CACFD1: variants seen among roughly 807,000 people sequenced by gnomAD.
CACFD1 encodes calcium channel flower domain containing 1.
Under a neutral mutation model 21.3 loss-of-function variants are expected in CACFD1, and 26 were observed. The observed-to-expected ratio is 1.22, with a 90% CI of 0.89 to 1.69. CACFD1 has a LOEUF of 1.69. Among genes scored for constraint, CACFD1 ranks in the 40% most tolerant of loss-of-function variants. The probability of loss-of-function intolerance (pLI) is 0.00; values close to 1 mark genes in which losing one functional copy is unlikely to be tolerated. For synonymous variants in CACFD1, 121 were observed against 106.6 expected (o/e 1.13, Z -0.83); for missense variants, 265 against 236.2 (o/e 1.12, Z -0.80).
chr9:133,460,487 G>GCGGC (rs1564453308), intron 1 of CACFD1, among the ~76,000 whole-genome samples: 114 of 151,136 alleles, frequency 7.5e-4, no homozygotes, highest in South Asian at 1.1e-3. Context: ...GGGCGGGGGT[G>GCGGC]GGGCACCGGC....
rs190495205 is a variant in CACFD1, at chr9:133,468,032, C to T, written c.428+4C>T. ...GACTCTCTGCTCTGGGCAAAAAGTG[C>T]GTCTGCCAGGCCCAGCCCCTGGGCA... On this transcript the variant is annotated splice_donor_region_variant and intron_variant, in intron 4 of 4. Transcript: ENST00000316948. The T allele has an allele frequency of 9.9e-6, 16 of 1,610,252 alleles. No individual in the cohort carries two copies. The highest frequency in any genetic ancestry group is 9.3e-5 in the African/African-American group (7 of 74,972).
At chr9:133,468,311 G>C in intron 4 of CACFD1, 1 of 1,530,288 alleles carries the variant, frequency 6.5e-7, no homozygotes, top group South Asian at 1.2e-5. Flanking sequence ...ACCGGGCATT[G>C]TACTCAGTTG....
intron 3 of CACFD1, among the ~76,000 whole-genome samples, chr9:133,466,121 A>G (rs1843425981): frequency 6.6e-6 from 1 of 152,222 alleles, no homozygotes; most frequent in South Asian, 2.1e-4. Flanking sequence ...GAGGCCCGGT[A>G]GTTTTGATGG....
At position 133,463,525 on chromosome 9, in the gene CACFD1, C is replaced by G. The variant is rs781935669; in HGVS notation, c.164C>G (p.Pro55Arg). The change falls in exon 2 of 5, where the codon CCT becomes CGT. Residue 55 changes from proline to arginine, a missense_variant. Pro to Arg is a moderately radical substitution (Grantham distance 103). Transcript: ENST00000316948. ...CTCTTCAACTGCATCACCATCCACCCTCTGAACATTGCGGCCGGCGTGTGG... is the reference window on the plus strand; with the variant it reads ...CTCTTCAACTGCATCACCATCCACCGTCTGAACATTGCGGCCGGCGTGTGG... ...SGLFNCITIH[P>R]LNIAAGVWMI... 5 of 1,614,032 alleles carry G rather than the reference C, an allele frequency of 3.1e-6. No homozygotes were observed. The African/African-American group carries it at 6.7e-5, about 22-fold the overall frequency.
At chr9:133,460,289 T>G (rs1040066436) in intron 1 of CACFD1, 102 bp downstream of exon 1, 4 of 1,123,130 alleles carry the variant, frequency 3.6e-6, no homozygotes, top group Non-Finnish European at 3.5e-6. Flanking sequence ...AAGGACCCGC[T>G]GGGGGTCGGG....
intron 1 of CACFD1, 102 bp downstream of exon 1, chr9:133,460,289 T>TG: frequency 8.9e-7 from 1 of 1,123,240 alleles, no homozygotes; most frequent in Non-Finnish European, 1.2e-6. Flanking sequence ...AAGGACCCGC[T>TG]GGGGGTCGGG....
At chr9:133,463,587 G>A in intron 2 of CACFD1, 32 bp downstream of exon 2, 2 of 1,611,520 alleles carry the variant, frequency 1.2e-6, no homozygotes, top group Non-Finnish European at 1.7e-6. Flanking sequence ...CACCCCGGGG[G>A]TCTTGCTGGT....
At chr9:133,460,271 C>G (rs587665941) in intron 1 of CACFD1, 84 bp downstream of exon 1, 2,275 of 1,301,732 alleles carry the variant, frequency 1.7e-3, no homozygotes, top group Non-Finnish European at 2.1e-3. Flanking sequence ...CCCGGCGGCC[C>G]CAGGGGAAAG....
At position 133,467,997 on chromosome 9, in the gene CACFD1, G is replaced by T. The variant is rs377299778; in HGVS notation, c.397G>T (p.Val133Leu). Residue 133 changes from valine (V) to leucine (L), a missense_variant, in exon 4 of 5, where the codon GTG (valine) becomes TTG (leucine). Val to Leu is a conservative substitution (Grantham distance 32). Transcript: ENST00000316948. ...LGNAIAFATG[V>L]LYGLSALGKK... ...CAACGCCATCGCCTTTGCTACGGGGGTGCTGTACGGACTCTCTGCTCTGGG... is the reference window on the plus strand; with the variant it reads ...CAACGCCATCGCCTTTGCTACGGGGTTGCTGTACGGACTCTCTGCTCTGGG... 3.1e-6 allele frequency: 5 copies of T among 1,613,830 alleles called. No homozygotes were observed. The highest frequency in any genetic ancestry group is 2.2e-5 in the East Asian group (1 of 44,892).
chr9:133,464,767 C>T (rs1843363503), intron 2 of CACFD1, among the ~76,000 whole-genome samples: 1 of 152,086 alleles, frequency 6.6e-6, no homozygotes, highest in South Asian at 2.1e-4. Context: ...CGTGGGCTTC[C>T]CCTGGGTGTC....
At position 133,463,464 on chromosome 9, in the gene CACFD1, C is replaced by T. The variant is rs995763237; in HGVS notation, c.122-19C>T. 1 of 1,613,956 alleles carries T rather than the reference C, an allele frequency of 6.2e-7. No homozygotes were observed. The highest frequency in any genetic ancestry group is 1.1e-5 in the South Asian group (1 of 91,084). On this transcript the variant is annotated intron_variant, in intron 1 of 4. Coordinates refer to ENST00000316948, the MANE Select transcript of CACFD1 (RefSeq NM_017586.5). ...CGCCTGCCTCCCTGCTGACTCCTGC[C>T]CGTGTCTCTTGTTTCAAGCTTGCGC... is the stretch of plus-strand genomic sequence containing the variant.
chr9:133,463,595 G>A, intron 2 of CACFD1, 40 bp downstream of exon 2: 1 of 1,608,428 alleles, frequency 6.2e-7, no homozygotes, highest in Non-Finnish European at 8.5e-7. Context: ...GGGTCTTGCT[G>A]GTCGGGAATC....
Position 133,460,091 on chromosome 9 carries a change from G to T in CACFD1, c.25G>T (p.Gly9Trp). Residue 9 changes from glycine (G) to tryptophan (W), a missense_variant, in exon 1 of 5, where the codon GGG (glycine) becomes TGG (tryptophan). Transcript: ENST00000316948. The part of the protein sequence containing the change: MSSSGGAP[G>W]ASASSAPPAQ... ...CATGAGCAGCTCAGGTGGGGCGCCC[G>T]GGGCGTCCGCCAGCTCTGCGCCGCC... 8 of 1,562,570 alleles carry T rather than the reference G, an allele frequency of 5.1e-6. No individual in the cohort carries two copies. The highest frequency in any genetic ancestry group is 6.9e-6 in the Non-Finnish European group (8 of 1,153,548).
intron 2 of CACFD1, among the ~76,000 whole-genome samples, chr9:133,463,802 C>T (rs1409593266): frequency 1.3e-5 from 2 of 152,270 alleles, no homozygotes; most frequent in African/African-American, 4.8e-5. Flanking sequence ...ATGCCCACCC[C>T]GGCCTTCATC....
In CACFD1 at chr9:133,465,908, A is replaced by G. The variant is rs782426122; in HGVS notation, c.320+461A>G. 6.4e-6 allele frequency: 1 copy of G among 156,726 alleles called. No homozygotes were observed. Among genetic ancestry groups the G allele is most frequent in the African/African-American group, 2.4e-5 (1 of 41,474 alleles). 9.7% of individuals were successfully genotyped at this position (156,726 alleles called of 1,614,324 possible). On this transcript the variant is annotated intron_variant, in intron 3 of 4. Transcript: ENST00000316948. The surrounding 1 kb of genome is among the most constrained non-coding windows in gnomAD (Gnocchi z 5.0). ...TGCCCTCTAAATACACTTGTTAAAA[A>G]TTTTCCCATTTCTAACAATGAAATC...
rs782292988 is a variant in CACFD1, at chr9:133,467,954, C to T, written c.354C>T (p.Thr118=). Residue 118 remains threonine (T), a synonymous_variant, in exon 4 of 5, where the codon ACC becomes ACT. Transcript: ENST00000316948. ...TCGTTCCCATCGTCATCAGCCTGAC[C>T]CTGACCACGCTGCTGGGCAACGCCA... is the stretch of plus-strand genomic sequence containing the variant. The part of the protein sequence containing the change: ...MAVVPIVISL[T]LTTLLGNAIA... 14 of 1,613,604 alleles carry T rather than the reference C, an allele frequency of 8.7e-6. No homozygotes were observed. The highest frequency in any genetic ancestry group is 1.0e-5 in the Non-Finnish European group (12 of 1,180,032).
At position 133,460,209 on chromosome 9, in the gene CACFD1, G is replaced by A. The variant is rs1317328280; in HGVS notation, c.121+22G>A. 5.9e-6 allele frequency: 9 copies of A among 1,516,050 alleles called. No homozygotes were observed. In the Admixed American group the frequency reaches 6.2e-5, roughly 11 times the overall value. The allele number at this position is 1,516,050 out of a possible 1,614,324, so 93.9% of individuals were successfully genotyped here. On this transcript the variant is annotated intron_variant, in intron 1 of 4. Transcript: ENST00000316948. ...GTCTGTGAGTATCCAGTCGGGGAGA[G>A]GGGCCGGCCCCGCCGCGCATGCGCT...
intron 1 of CACFD1, among the ~76,000 whole-genome samples, chr9:133,462,534 G>A (rs1843264656): frequency 6.6e-6 from 1 of 152,242 alleles, no homozygotes; most frequent in Non-Finnish European, 1.5e-5. Flanking sequence ...GTGCAGAGGA[G>A]CTGCTGCAAG....
rs936147882 is a variant in CACFD1 at position 133,468,850 on chromosome 9, G to A, written c.*197G>A. Reference sequence around the variant, plus strand: ...TGCTGGTGTGAGGGTCTGGGCTGCTGGACTTGAGGCAGAGCCTGCAGCAGC... The same window carrying A: ...TGCTGGTGTGAGGGTCTGGGCTGCTAGACTTGAGGCAGAGCCTGCAGCAGC... On this transcript the variant is annotated 3_prime_UTR_variant, in exon 5 of 5. Transcript: ENST00000316948. 2.2e-6 allele frequency: 2 copies of A among 920,692 alleles called. No homozygotes were observed. The highest frequency in any genetic ancestry group is 1.7e-5 in the African/African-American group (1 of 59,642). The allele number at this position is 920,692 out of a possible 1,614,324, so 57.0% of individuals were successfully genotyped here. A position where few individuals can be genotyped will look rare whatever the true frequency, so the allele number is the denominator to read the frequency against.
Sources: gnomAD v4.1 joint callset for allele counts (sites outside exome capture counted in the v4.1 genomes callset) on GRCh38, gnomAD v4.1.1 for gene constraint, Gnocchi (gnomAD v3.1) non-coding constraint, MANE v1.5 for transcripts, NCBI Gene and HGNC (gene_info 2026-07-23, HGNC 2026-07-21) for gene names.